FOXP1: variants seen among roughly 807,000 people sequenced by gnomAD.
FOXP1 encodes forkhead box P1.
In FOXP1, 15 loss-of-function variants were observed where a neutral mutation model predicts 98.2. That is an observed-to-expected ratio of 0.15 (90% CI 0.10 to 0.24). The LOEUF is 0.24. Among genes scored for constraint, FOXP1 ranks in the 10% least tolerant of loss-of-function variants. The pLI is 1.00. For missense variants in FOXP1, 633 were observed against 848.5 expected, an observed-to-expected ratio of 0.75 and a Z score of 3.15; for synonymous variants, 371 against 314.5, an observed-to-expected ratio of 1.18 and a Z score of -1.90.
intron 5 of FOXP1, among the ~76,000 whole-genome samples, chr3:71,236,222 T>G (rs2066760081): frequency 6.6e-6 from 1 of 152,114 alleles, no homozygotes; most frequent in African/African-American, 2.4e-5. Flanking sequence ...AATAGTGGGG[T>G]AGGTGCTATA....
intron 3 of FOXP1, among the ~76,000 whole-genome samples, chr3:71,415,444 G>C (rs538313261): frequency 6.6e-6 from 1 of 152,120 alleles, no homozygotes; most frequent in Non-Finnish European, 1.5e-5. Flanking sequence ...TTGAACCTGG[G>C]TCTTTGATGT....
At chr3:71,261,629 T>A (rs111839210) in intron 5 of FOXP1, among the ~76,000 whole-genome samples, 1,523 of 152,210 alleles carry the variant, frequency 0.01, 27 homozygotes, top group African/African-American at 0.035. Context: ...CTCTGTAGAC[T>A]AAAGCTGTGT....
chr3:71,300,409 C>T (rs919354100), intron 4 of FOXP1, among the ~76,000 whole-genome samples: 8 of 152,102 alleles, frequency 5.3e-5, no homozygotes, highest in Non-Finnish European at 7.4e-5. Flanking sequence ...TAATTGCTGG[C>T]GAAAGCTGTT....
intron 3 of FOXP1, among the ~76,000 whole-genome samples, chr3:71,419,544 G>A (rs2083471638): frequency 1.3e-5 from 2 of 152,060 alleles, no homozygotes. Context: ...AGGTAAGAAA[G>A]AAACTGGATC....
At chr3:71,159,675 T>C (rs1426810958) in intron 6 of FOXP1, among the ~76,000 whole-genome samples, 1 of 152,180 alleles carries the variant, frequency 6.6e-6, no homozygotes, top group Non-Finnish European at 1.5e-5. Context: ...TTCTATGATA[T>C]TTCAACTTTT....
chr3:70,999,095 T>C (rs2041781936), intron 13 of FOXP1, among the ~76,000 whole-genome samples: 1 of 152,142 alleles, frequency 6.6e-6, no homozygotes, highest in South Asian at 2.1e-4. Flanking sequence ...GTTTATTCTT[T>C]CTCTTTTTTT....
intron 11 of FOXP1, among the ~76,000 whole-genome samples, chr3:71,022,023 A>G (rs555486264): frequency 6.6e-6 from 1 of 152,338 alleles, no homozygotes; most frequent in Non-Finnish European, 1.5e-5. Context: ...CTCAGAAACC[A>G]TTGCCTAAAC....
At chr3:71,513,639 G>A (rs1182375678) in intron 2 of FOXP1, among the ~76,000 whole-genome samples, 4 of 152,160 alleles carry the variant, frequency 2.6e-5, no homozygotes, top group Non-Finnish European at 5.9e-5. Flanking sequence ...AATGGGTCAG[G>A]GTGTAGCGCA....
chr3:71,185,638 C>G (rs770538595), intron 6 of FOXP1, among the ~76,000 whole-genome samples: 4 of 152,180 alleles, frequency 2.6e-5, no homozygotes, highest in African/African-American at 4.8e-5. Flanking sequence ...TCAGATGCTA[C>G]AGTATGGTAT....
chr3:71,523,120 A>G (rs1416603070), intron 2 of FOXP1, among the ~76,000 whole-genome samples: 3 of 152,182 alleles, frequency 2.0e-5, no homozygotes, highest in African/African-American at 7.2e-5. Flanking sequence ...AAACACATAG[A>G]AAGACCACCA....
At position 71,296,517 on chromosome 3, in the gene FOXP1, A is replaced by G. The variant is rs955547708; in HGVS notation, c.-12+3303T>C. 2 of 152,326 alleles carry G rather than the reference A, an allele frequency of 1.3e-5. 1 individual carries two copies. Among genetic ancestry groups the G allele is most frequent in the South Asian group, 4.1e-4 (2 of 4,828 alleles). 9.4% of individuals were successfully genotyped at this position (152,326 alleles called of 1,614,324 possible). ...TTCACCTTGTTCAAAGGTAAAAATTACATTTATTACTTAAGTCTATATACC... is the reference window on the plus strand; with the variant it reads ...TTCACCTTGTTCAAAGGTAAAAATTGCATTTATTACTTAAGTCTATATACC... On this transcript the variant is annotated intron_variant, in intron 5 of 20. Coordinates refer to ENST00000649528, the MANE Select transcript of FOXP1 (RefSeq NM_001349338.3).
At chr3:71,557,262 A>G (rs565981265) in intron 2 of FOXP1, among the ~76,000 whole-genome samples, 116 of 152,294 alleles carry the variant, frequency 7.6e-4, no homozygotes, top group Admixed American at 1.2e-3. Context: ...TATTGAAATG[A>G]GTAAGATATA....
intron 6 of FOXP1, chr3:71,197,866 A>G: frequency 3.1e-6 from 5 of 1,613,350 alleles, no homozygotes; most frequent in Non-Finnish European, 4.2e-6. Flanking sequence ...TTTTTGCATG[A>G]AAGCAGTGGG....
intron 3 of FOXP1, among the ~76,000 whole-genome samples, chr3:71,484,220 G>A (rs2090490868): frequency 6.6e-6 from 1 of 152,162 alleles, no homozygotes. Flanking sequence ...TGGCTCCAAA[G>A]GAGACAGTAC....
chr3:71,447,448 G>A (rs2086553145), intron 3 of FOXP1, among the ~76,000 whole-genome samples: 1 of 152,206 alleles, frequency 6.6e-6, no homozygotes, highest in South Asian at 2.1e-4. Flanking sequence ...ATCTGAAAGG[G>A]CATCACTCCA....
At chr3:71,121,893 A>T (rs761315055) in intron 6 of FOXP1, among the ~76,000 whole-genome samples, 6 of 152,124 alleles carry the variant, frequency 3.9e-5, no homozygotes, top group Non-Finnish European at 7.3e-5. Flanking sequence ...CTTGGGGTCA[A>T]ATGCAAGGAT....
chr3:71,304,489 A>G (rs1485212497), intron 4 of FOXP1, among the ~76,000 whole-genome samples: 1 of 152,210 alleles, frequency 6.6e-6, no homozygotes, highest in African/African-American at 2.4e-5. Context: ...AGATAAAAGA[A>G]ATGCAAATAG....
chr3:70,987,880 A>T, intron 14 of FOXP1, 114 bp downstream of exon 14: 2 of 919,028 alleles, frequency 2.2e-6, no homozygotes, highest in Non-Finnish European at 3.5e-6. Context: ...AGGCCCTCAA[A>T]ACTCAAAGCT....
chr3:71,162,602 G>A (rs921916058), intron 6 of FOXP1, among the ~76,000 whole-genome samples: 2 of 152,158 alleles, frequency 1.3e-5, no homozygotes, highest in African/African-American at 4.8e-5. Context: ...CACCTTATTG[G>A]AACTTACATT....
Sources: gnomAD v4.1 joint callset for allele counts (sites outside exome capture counted in the v4.1 genomes callset) on GRCh38, gnomAD v4.1.1 for gene constraint, MANE v1.5 for transcripts, NCBI Gene and HGNC (gene_info 2026-07-23, HGNC 2026-07-21) for gene names.